Variants in TNFAIP6 observed in about 807,000 individuals in gnomAD.
TNFAIP6 encodes the protein tumor necrosis factor-inducible gene 6 protein.
TNFAIP6 carries 36 observed loss-of-function variants against 33.7 expected under a neutral mutation model. The observed-to-expected ratio is 1.07, with a 90% CI of 0.82 to 1.41. The LOEUF (loss-of-function observed/expected upper bound fraction) is 1.41, where lower values mean the gene tolerates loss of function less well. Ranked by LOEUF, TNFAIP6 falls within the 40% of genes most tolerant of loss-of-function variation. The probability of loss-of-function intolerance (pLI) is 0.00; values close to 1 mark genes in which losing one functional copy is unlikely to be tolerated. For synonymous variants in TNFAIP6, 113 were observed against 112.8 expected (o/e 1.00, Z -0.01); for missense variants, 273 against 331.9 (o/e 0.82, Z 1.38).
At position 151,370,102 on chromosome 2, in the gene TNFAIP6, A is replaced by G. The variant is rs78264792; in HGVS notation, c.477A>G (p.Gln159=). The part of the protein sequence containing the change: ...PGFPNEYEDN[Q]ICYWHIRLKY... ...TCCCAAATGAGTACGAAGATAACCA[A>G]ATCTGCTACTGGCACATTAGACTCA... The change falls in exon 4 of 6, where the codon CAA becomes CAG. Residue 159 remains glutamine, a synonymous_variant. Transcript: ENST00000243347. 0.015 allele frequency: 24,583 copies of G among 1,613,942 alleles called. 250 individuals carry two copies. The highest frequency in any genetic ancestry group is 0.017 in the Non-Finnish European group (19,539 of 1,179,862).
Position 151,373,559 on chromosome 2 carries a change from G to A in TNFAIP6, c.634G>A (p.Asp212Asn), listed in dbSNP as rs771155983. The A allele has an allele frequency of 3.2e-6, 5 of 1,552,132 alleles. No homozygotes were observed. In the African/African-American group the frequency reaches 4.1e-5, roughly 13 times the overall value. The change falls in exon 5 of 6, where the codon GAT becomes AAT. Residue 212 changes from aspartate to asparagine, a missense_variant. Transcript: ENST00000243347. Reference protein sequence around the residue: ...VHGFVGRYCGDELPDDIISTG... With the variant: ...VHGFVGRYCGNELPDDIISTG... ...AAAATTCCTTTTCAGATACTGTGGA[G>A]ATGAGCTTCCAGATGACATCATCAG...
rs189917254 is a variant in TNFAIP6, at chr2:151,369,115, C to G, written c.395-905C>G. 1.7e-3 allele frequency among the ~76,000 whole-genome samples: 253 copies of G among 152,210 alleles called. 4 individuals carry two copies. The highest frequency in any genetic ancestry group is 1.6e-3 in the Non-Finnish European group (111 of 68,018). On this transcript the variant is annotated intron_variant, in intron 3 of 5. Coordinates refer to ENST00000243347, the MANE Select transcript of TNFAIP6 (RefSeq NM_007115.4). ...GGCTGAGGCATAAGAATTTCTTGAA[C>G]AATTGCAGAGGCTACAGTGAGCCGA...
chr2:151,377,076 C>G (rs2152019249), intron 5 of TNFAIP6, among the ~76,000 whole-genome samples: 1 of 152,044 alleles, frequency 6.6e-6, no homozygotes, highest in African/African-American at 2.4e-5. Context: ...TGAATTCAAG[C>G]TGTCCTCCTG....
chr2:151,363,555 G>A (rs900083547), intron 1 of TNFAIP6, among the ~76,000 whole-genome samples: 5 of 151,708 alleles, frequency 3.3e-5, no homozygotes, highest in Non-Finnish European at 7.4e-5. Flanking sequence ...CCAGCTATTC[G>A]GGAGGCTGAG....
chr2:151,368,365 C>T (rs1684753551), intron 3 of TNFAIP6: 2 of 148,186 alleles, frequency 1.3e-5, no homozygotes, highest in Admixed American at 6.7e-5. Context: ...TCCTGTTCTG[C>T]TTTATTTCAT....
At chr2:151,359,348 G>C (rs983122956) in intron 1 of TNFAIP6, among the ~76,000 whole-genome samples, 31 of 151,842 alleles carry the variant, frequency 2.0e-4, no homozygotes, top group African/African-American at 7.3e-4. Context: ...GCCTTCCCTG[G>C]GCCACATTGG....
In TNFAIP6 at chr2:151,364,098, G is replaced by A; in HGVS notation, c.232+18G>A. Reference sequence around the variant, plus strand: ...AAAAATTGGTAACTGATTTCACAATGATTTTTCTTCTTTTTTATCCTTGGA... The same window carrying A: ...AAAAATTGGTAACTGATTTCACAATAATTTTTCTTCTTTTTTATCCTTGGA... On this transcript the variant is annotated intron_variant, in intron 2 of 5. Transcript: ENST00000243347. 1.2e-6 allele frequency: 2 copies of A among 1,611,672 alleles called. No individual in the cohort carries two copies. The highest frequency in any genetic ancestry group is 1.7e-5 in the Admixed American group (1 of 59,318).
At chr2:151,363,908 C>G in intron 1 of TNFAIP6, 35 bp from the exon 2 acceptor site, 2 of 1,607,204 alleles carry the variant, frequency 1.2e-6, no homozygotes, top group South Asian at 2.2e-5. Flanking sequence ...TAAGAAGGAA[C>G]AACAGTGCTT....
intron 1 of TNFAIP6, among the ~76,000 whole-genome samples, chr2:151,358,936 A>T (rs1684578879): frequency 6.6e-6 from 1 of 152,194 alleles, no homozygotes; most frequent in Admixed American, 6.5e-5. Flanking sequence ...GATTTTTTTT[A>T]AATGTCATAA....
At chr2:151,372,226 G>A (rs1328298654) in intron 4 of TNFAIP6, 5 of 152,194 alleles carry the variant, frequency 3.3e-5, no homozygotes, top group African/African-American at 1.2e-4. Context: ...TGAGAATTGG[G>A]AAGGAGCCTA....
intron 1 of TNFAIP6, 62 bp from the exon 2 acceptor site, chr2:151,363,881 G>C: frequency 6.3e-7 from 1 of 1,580,690 alleles, no homozygotes; most frequent in Non-Finnish European, 8.6e-7. Context: ...TGAGGCCACA[G>C]AATTTCCCCT....
At chr2:151,371,761 A>T (rs1684820229) in intron 4 of TNFAIP6, among the ~76,000 whole-genome samples, 1 of 151,702 alleles carries the variant, frequency 6.6e-6, no homozygotes. Context: ...CACCTGGCTA[A>T]TTTTTGTATT....
chr2:151,370,764 T>C (rs1322162061), intron 4 of TNFAIP6, among the ~76,000 whole-genome samples: 1 of 152,192 alleles, frequency 6.6e-6, no homozygotes, highest in Non-Finnish European at 1.5e-5. Flanking sequence ...TTCTAATTTC[T>C]TACAACCTTA....
intron 5 of TNFAIP6, among the ~76,000 whole-genome samples, chr2:151,378,253 A>G (rs1460405077): frequency 6.6e-6 from 1 of 152,216 alleles, no homozygotes; most frequent in South Asian, 2.1e-4. Context: ...AAATATTCCT[A>G]TATTTTATGT....
rs1409361636 is a variant in TNFAIP6, at chr2:151,357,767, A to G, written c.94+7A>G. The G allele has an allele frequency of 2.6e-6, 4 of 1,543,974 alleles. 1 individual carries two copies. In the South Asian group the frequency reaches 4.5e-5, roughly 17 times the overall value. On this transcript the variant is annotated splice_region_variant and intron_variant, in intron 1 of 5. Transcript: ENST00000243347. ...CATAACTCCATATGGCTTGGTAAGA[A>G]CCTTCACTCATGAGCCTCTTGTTGA...
intron 4 of TNFAIP6, among the ~76,000 whole-genome samples, chr2:151,370,453 T>C (rs1315479866): frequency 3.3e-5 from 5 of 150,228 alleles, no homozygotes; most frequent in African/African-American, 1.3e-4. Flanking sequence ...CTTTTGATTA[T>C]GGCTAAGTTG....
At chr2:151,372,720 G>T (rs985393644) in intron 4 of TNFAIP6, among the ~76,000 whole-genome samples, 1 of 152,126 alleles carries the variant, frequency 6.6e-6, no homozygotes, top group Non-Finnish European at 1.5e-5. Flanking sequence ...AGGAGTTTGC[G>T]ACCAGCCTGG....
intron 2 of TNFAIP6, 52 bp downstream of exon 2, chr2:151,364,132 A>G: frequency 6.3e-7 from 1 of 1,588,726 alleles, no homozygotes. Context: ...GAGGAAAAAA[A>G]TCCATCTTTC....
Position 151,378,923 on chromosome 2 carries a change from C to T in TNFAIP6, c.665-441C>T, listed in dbSNP as rs557746240. On this transcript the variant is annotated intron_variant, in intron 5 of 5. Coordinates refer to ENST00000243347, the MANE Select transcript of TNFAIP6 (RefSeq NM_007115.4). The stretch of plus-strand genomic sequence containing the variant: ...GACCAGCCTGGCCAACATGGTGAAA[C>T]CCCGTCTCTAGTAAAAATACAAAAA... 1.4e-3 allele frequency among the ~76,000 whole-genome samples: 220 copies of T among 151,918 alleles called. 1 individual carries two copies. The highest frequency in any genetic ancestry group is 4.6e-3 in the African/African-American group (189 of 41,478).
Sources: allele counts gnomAD v4.1 joint callset (sites outside exome capture counted in the v4.1 genomes callset), GRCh38; gene constraint gnomAD v4.1.1; transcripts MANE v1.5; gene names NCBI Gene and HGNC (gene_info 2026-07-23, HGNC 2026-07-21).